Variants in EPC2 observed in about 807,000 individuals in gnomAD.
The protein encoded by EPC2 is enhancer of polycomb 2.
A neutral mutation model predicts 92.1 loss-of-function variants in EPC2; 14 were observed. That is an observed-to-expected ratio of 0.15 (90% CI 0.10 to 0.24). The LOEUF (loss-of-function observed/expected upper bound fraction) is 0.24, where lower values mean the gene tolerates loss of function less well. Among genes scored for constraint, EPC2 ranks in the 10% least tolerant of loss-of-function variants. EPC2 has a pLI of 1.00. For missense variants in EPC2, 755 were observed against 971.5 expected, an observed-to-expected ratio of 0.78 and a Z score of 2.96; for synonymous variants, 340 against 334.7, an observed-to-expected ratio of 1.02 and a Z score of -0.17.
chr2:148,750,086 A>G (rs921883430), intron 3 of EPC2, among the ~76,000 whole-genome samples: 2 of 152,132 alleles, frequency 1.3e-5, no homozygotes, highest in African/African-American at 4.8e-5. Flanking sequence ...AAGATTATTC[A>G]TGGAATTGAA....
chr2:148,771,463 T>A, intron 10 of EPC2, 76 bp downstream of exon 10: 1 of 1,337,562 alleles, frequency 7.5e-7, no homozygotes, highest in Non-Finnish European at 1.0e-6. Context: ...AATTTTATCT[T>A]AACCTACTTA....
At chr2:148,645,323 CCT>C in intron 1 of EPC2, 153 bp downstream of exon 1, 2 of 680,994 alleles carry the variant, frequency 2.9e-6, no homozygotes, top group Non-Finnish European at 4.8e-6. Context: ...TAGCGTAAAC[CCT>C]CTCGGCCGGC....
intron 2 of EPC2, among the ~76,000 whole-genome samples, chr2:148,721,712 CTTTTTTT>C (rs34017461): frequency 1.1e-4 from 12 of 111,536 alleles, no homozygotes; most frequent in Non-Finnish European, 2.0e-4. Flanking sequence ...CTGTTTTATT[CTTTTTTT>C]TTTTTTTTTT....
At chr2:148,774,730 T>C (rs1683593221) in intron 10 of EPC2, among the ~76,000 whole-genome samples, 1 of 151,440 alleles carries the variant, frequency 6.6e-6, no homozygotes, top group South Asian at 2.1e-4. Flanking sequence ...GACTTTTCAT[T>C]TGAAAGCAGA....
chr2:148,719,707 G>A (rs2105389848), intron 2 of EPC2, among the ~76,000 whole-genome samples: 1 of 152,380 alleles, frequency 6.6e-6, no homozygotes, highest in Non-Finnish European at 1.5e-5. Flanking sequence ...CAGTTAGGAG[G>A]AATGGGATCA....
chr2:148,716,119 T>G (rs910397325), intron 2 of EPC2, among the ~76,000 whole-genome samples: 2 of 152,248 alleles, frequency 1.3e-5, no homozygotes, highest in Non-Finnish European at 2.9e-5. Context: ...AAGAAGCTTT[T>G]GGGCTGAGAC....
Position 148,645,011 on chromosome 2 carries a change from G to A in EPC2, c.-7G>A, listed in dbSNP as rs898179476. On this transcript the variant is annotated 5_prime_UTR_variant, in exon 1 of 14. Transcript: ENST00000258484. Reference sequence around the variant, plus strand: ...CGCCCGGGCTGTTCCTGTAAGGCGGGGAGACAATGAGTAAACTCTCCTTCC... The same window carrying A: ...CGCCCGGGCTGTTCCTGTAAGGCGGAGAGACAATGAGTAAACTCTCCTTCC... The A allele has an allele frequency of 7.1e-6, 11 of 1,549,594 alleles. No homozygotes were observed. Among genetic ancestry groups the A allele is most frequent in the Middle Eastern group, 1.7e-4 (1 of 5,898 alleles).
intron 11 of EPC2, 88 bp downstream of exon 11, chr2:148,781,868 C>A: frequency 6.6e-7 from 1 of 1,504,124 alleles, no homozygotes; most frequent in South Asian, 1.3e-5. Context: ...AGAAGATAAT[C>A]TTGGTTTTGC....
chr2:148,677,615 C>T (rs34782312), intron 1 of EPC2, among the ~76,000 whole-genome samples: 33,695 of 152,160 alleles, frequency 0.22, 4,536 homozygotes, highest in East Asian at 0.51. Context: ...CTTGGTCTCA[C>T]TGACTTCAAG....
chr2:148,738,236 T>G (rs1163466277), intron 2 of EPC2, among the ~76,000 whole-genome samples: 1 of 152,230 alleles, frequency 6.6e-6, no homozygotes, highest in Non-Finnish European at 1.5e-5. Flanking sequence ...TGTGCTCACA[T>G]TTCTGTTAGA....
At chr2:148,724,893 C>T (rs185766262) in intron 2 of EPC2, among the ~76,000 whole-genome samples, 144 of 152,094 alleles carry the variant, frequency 9.5e-4, no homozygotes, top group African/African-American at 3.4e-3. Context: ...TTGAAGCGAA[C>T]ATGGATGGCA....
intron 10 of EPC2, among the ~76,000 whole-genome samples, chr2:148,780,844 A>C (rs1683733959): frequency 6.6e-6 from 1 of 152,166 alleles, no homozygotes; most frequent in South Asian, 2.1e-4. Context: ...GTGTTCTCTA[A>C]ATCAACTTAT....
At chr2:148,731,439 G>C (rs1464371098) in intron 2 of EPC2, among the ~76,000 whole-genome samples, 1 of 151,820 alleles carries the variant, frequency 6.6e-6, no homozygotes, top group East Asian at 1.9e-4. Flanking sequence ...TTTCACTCTT[G>C]TCACCCAGGC....
intron 7 of EPC2, among the ~76,000 whole-genome samples, chr2:148,768,711 T>G (rs746094254): frequency 4.6e-5 from 7 of 152,216 alleles, no homozygotes; most frequent in Admixed American, 1.3e-4. Flanking sequence ...TTTTTTTGGC[T>G]GTTTATAAGC....
chr2:148,769,553 G>A (rs1370778600), intron 8 of EPC2, among the ~76,000 whole-genome samples: 1 of 152,156 alleles, frequency 6.6e-6, no homozygotes, highest in Non-Finnish European at 1.5e-5. Context: ...CCCAGAATTT[G>A]TAAGTTGGTT....
At chr2:148,697,951 G>T (rs1681784757) in intron 2 of EPC2, among the ~76,000 whole-genome samples, 1 of 152,014 alleles carries the variant, frequency 6.6e-6, no homozygotes, top group Non-Finnish European at 1.5e-5. Flanking sequence ...ACTAAGCACT[G>T]TGCCTGACAA....
At chr2:148,701,772 T>C (rs1320586129) in intron 2 of EPC2, among the ~76,000 whole-genome samples, 2 of 152,200 alleles carry the variant, frequency 1.3e-5, no homozygotes, top group African/African-American at 2.4e-5. Context: ...TTTTCTCTGC[T>C]TCTGTTTTCT....
chr2:148,747,139 C>G (rs1395083954), intron 3 of EPC2, among the ~76,000 whole-genome samples: 1 of 151,758 alleles, frequency 6.6e-6, no homozygotes, highest in African/African-American at 2.4e-5. Flanking sequence ...TATTGAACAC[C>G]CGATTTTTAG....
At chr2:148,737,931 G>A (rs533123501) in intron 2 of EPC2, among the ~76,000 whole-genome samples, 3 of 152,192 alleles carry the variant, frequency 2.0e-5, no homozygotes, top group Admixed American at 2.0e-4. Flanking sequence ...AGCTGGAGAA[G>A]CCTGCTCTGA....
Sources: gnomAD v4.1 joint callset for allele counts (sites outside exome capture counted in the v4.1 genomes callset) on GRCh38, gnomAD v4.1.1 for gene constraint, MANE v1.5 for transcripts, NCBI Gene and HGNC (gene_info 2026-07-23, HGNC 2026-07-21) for gene names.